Variants in EYS observed in about 807,000 individuals in gnomAD.
EYS encodes the protein protein eyes shut homolog.
In EYS, 250 loss-of-function variants were observed where a neutral mutation model predicts 282.1. That is an observed-to-expected ratio of 0.89 (90% CI 0.80 to 0.98). EYS has a LOEUF of 0.98. EYS is among the 50% of genes least tolerant of loss of function. The pLI is 0.00. For missense variants in EYS, 4,016 were observed against 3,709.0 expected (o/e 1.08, Z -2.15); for synonymous variants, 1,355 against 1,282.9 (o/e 1.06, Z -1.20).
At chr6:64,995,480 A>T (rs927751270) in intron 14 of EYS, among the ~76,000 whole-genome samples, 1 of 152,108 alleles carries the variant, frequency 6.6e-6, no homozygotes, top group Non-Finnish European at 1.5e-5. Context: ...CCCAGACACA[A>T]TATCTGAAAG....
rs982064061 is a variant in EYS, at chr6:63,721,152, A to G, written c.8879T>C (p.Met2960Thr). The G allele has an allele frequency of 1.3e-6, 2 of 1,551,492 alleles. No individual in the cohort carries two copies. Among genetic ancestry groups the G allele is most frequent in the African/African-American group, 2.7e-5 (2 of 73,054 alleles). ...AATGTATTTAATGTAAGAATTACCC[A>G]TAAATTTTGCAGTTGAAAATGAAGT... is the stretch of plus-strand genomic sequence containing the variant. ...NKTSFSTAKF[M>T]GNSYIKYIDP... The change falls in exon 43 of 43, where the codon ATG (methionine) becomes ACG (threonine). Residue 2960 changes from methionine (M) to threonine (T), a missense_variant. Met to Thr is a moderately conservative substitution (Grantham distance 81). Transcript: ENST00000503581.
intron 12 of EYS, among the ~76,000 whole-genome samples, chr6:65,136,768 C>G (rs368281690): frequency 1.3e-5 from 2 of 152,056 alleles, no homozygotes; most frequent in East Asian, 3.9e-4. Flanking sequence ...TTACTGCAAC[C>G]TCTGCCTCTG....
chr6:64,385,213 T>C (rs921057618), intron 29 of EYS, among the ~76,000 whole-genome samples: 1 of 152,166 alleles, frequency 6.6e-6, no homozygotes, highest in Non-Finnish European at 1.5e-5. Context: ...TTCTGATTCA[T>C]CATACGAGTT....
chr6:64,015,448 G>A (rs1024266826), intron 33 of EYS, among the ~76,000 whole-genome samples: 5 of 151,952 alleles, frequency 3.3e-5, no homozygotes, highest in African/African-American at 1.2e-4. Context: ...TATTTATAAA[G>A]TCTCAATCCA....
chr6:65,143,114 C>G (rs1293651937), intron 12 of EYS, among the ~76,000 whole-genome samples: 1 of 151,654 alleles, frequency 6.6e-6, no homozygotes, highest in Non-Finnish European at 1.5e-5. Flanking sequence ...AATAACAGAC[C>G]AAAACAGTAC....
chr6:64,498,215 G>A (rs1192366618), intron 26 of EYS, among the ~76,000 whole-genome samples: 1 of 151,942 alleles, frequency 6.6e-6, no homozygotes. Flanking sequence ...CTTGTTTAAT[G>A]CTCACAATAC....
At chr6:64,141,684 C>T (rs1280109040) in intron 31 of EYS, among the ~76,000 whole-genome samples, 1 of 151,982 alleles carries the variant, frequency 6.6e-6, no homozygotes, top group African/African-American at 2.4e-5. Flanking sequence ...TAATTTATTC[C>T]TAATTGGTTT....
chr6:63,958,765 A>C (rs1765928751), intron 35 of EYS, among the ~76,000 whole-genome samples: 3 of 152,172 alleles, frequency 2.0e-5, no homozygotes, highest in Admixed American at 2.0e-4. Context: ...CATTCCAAAA[A>C]TTACTCTGCC....
intron 31 of EYS, among the ~76,000 whole-genome samples, chr6:64,192,409 C>A (rs1166666442): frequency 6.6e-6 from 1 of 151,808 alleles, no homozygotes; most frequent in African/African-American, 2.4e-5. Flanking sequence ...TTGCCTGCAT[C>A]ACGCTACCTG....
chr6:64,312,483 T>G (rs1005279142), intron 29 of EYS, among the ~76,000 whole-genome samples: 1 of 152,176 alleles, frequency 6.6e-6, no homozygotes, highest in African/African-American at 2.4e-5. Flanking sequence ...CCTGACTGAC[T>G]ACTCTAAAGA....
chr6:64,306,891 G>T, intron 30 of EYS, 79 bp downstream of exon 30: 1 of 744,416 alleles, frequency 1.3e-6, no homozygotes, highest in Non-Finnish European at 2.3e-6. Flanking sequence ...GCCTTCATTA[G>T]ATTATTTCAA....
chr6:65,368,157 CAGA>C (rs1764986382), intron 8 of EYS, among the ~76,000 whole-genome samples: 1 of 151,576 alleles, frequency 6.6e-6, no homozygotes, highest in Non-Finnish European at 1.5e-5. Context: ...CACTCACTAT[CAGA>C]AGAACAGCAG....
chr6:64,396,224 C>T (rs1302111490), intron 28 of EYS, among the ~76,000 whole-genome samples: 1 of 152,024 alleles, frequency 6.6e-6, no homozygotes. Context: ...TGTTGGTATA[C>T]TGTGAAATTT....
At chr6:64,342,213 G>A (rs935332698) in intron 29 of EYS, among the ~76,000 whole-genome samples, 1 of 151,546 alleles carries the variant, frequency 6.6e-6, no homozygotes, top group Admixed American at 6.6e-5. Context: ...CGCATAAAAT[G>A]TCTATTCCAA....
chr6:65,375,429 G>A (rs1765326376), intron 8 of EYS, among the ~76,000 whole-genome samples: 1 of 152,064 alleles, frequency 6.6e-6, no homozygotes, highest in African/African-American at 2.4e-5. Flanking sequence ...TGGAGATGAG[G>A]AAAAACCAGC....
intron 12 of EYS, among the ~76,000 whole-genome samples, chr6:65,251,058 GGA>G (rs1284464886): frequency 2.8e-5 from 4 of 142,188 alleles, no homozygotes; most frequent in Admixed American, 2.1e-4. Context: ...AAAAAAAACA[GGA>G]GAGCACTGGC....
intron 28 of EYS, among the ~76,000 whole-genome samples, chr6:64,393,539 T>G (rs944130666): frequency 2.0e-5 from 3 of 152,126 alleles, no homozygotes; most frequent in Non-Finnish European, 2.9e-5. Context: ...ACCACATGAT[T>G]ATCTCAATAG....
intron 12 of EYS, among the ~76,000 whole-genome samples, chr6:65,068,768 A>C (rs1223638553): frequency 6.6e-6 from 1 of 152,072 alleles, no homozygotes; most frequent in Non-Finnish European, 1.5e-5. Context: ...TGTTAAAAAA[A>C]ATTGTTGGCA....
chr6:65,044,925 T>C (rs1255269526), intron 13 of EYS, among the ~76,000 whole-genome samples: 1 of 151,872 alleles, frequency 6.6e-6, no homozygotes, highest in East Asian at 1.9e-4. Flanking sequence ...CTTTCTCCTA[T>C]TGTTTTCACT....
Sources: gnomAD v4.1 joint callset for allele counts (sites outside exome capture counted in the v4.1 genomes callset) on GRCh38, gnomAD v4.1.1 for gene constraint, MANE v1.5 for transcripts, NCBI Gene and HGNC (gene_info 2026-07-23, HGNC 2026-07-21) for gene names.